The following BACH2 variants were observed in gnomAD, a reference collection of about 807,000 sequenced individuals.
The protein encoded by BACH2 is BACH transcriptional regulator 2, also known as transcription regulator protein BACH2.
A neutral mutation model predicts 61.8 loss-of-function variants in BACH2; 5 were observed. That is an observed-to-expected ratio of 0.08 (90% confidence interval 0.04 to 0.17). The LOEUF (loss-of-function observed/expected upper bound fraction) is 0.17, where lower values mean the gene tolerates loss of function less well. BACH2 is among the 10% of genes least tolerant of loss of function. The probability of loss-of-function intolerance (pLI) is 1.00; values close to 1 mark genes in which losing one functional copy is unlikely to be tolerated. For missense variants in BACH2, 824 were observed against 1,091.1 expected, an observed-to-expected ratio of 0.76 and a Z score of 3.45; for synonymous variants, 446 against 440.1, an observed-to-expected ratio of 1.01 and a Z score of -0.17.
intron 5 of BACH2, chr6:90,080,753 T>G: frequency 1.0e-6 from 1 of 985,254 alleles, no homozygotes; most frequent in Non-Finnish European, 1.2e-6. Flanking sequence ...AAAGGCATCT[T>G]TACCTGTGTG....
chr6:90,133,678 C>A (rs1166184119), intron 4 of BACH2, among the ~76,000 whole-genome samples: 1 of 152,138 alleles, frequency 6.6e-6, no homozygotes, highest in South Asian at 2.1e-4. Context: ...TCTCCTAATG[C>A]TATCCCTCCA....
chr6:89,948,436 G>T (rs1338857471), intron 7 of BACH2, among the ~76,000 whole-genome samples: 4 of 152,000 alleles, frequency 2.6e-5, no homozygotes, highest in African/African-American at 9.7e-5. Context: ...TTGAAATCCT[G>T]AGCTCAAGTG....
intron 4 of BACH2, among the ~76,000 whole-genome samples, chr6:90,091,665 T>C (rs918682540): frequency 2.0e-5 from 3 of 152,178 alleles, no homozygotes; most frequent in African/African-American, 7.2e-5. Context: ...ATAACCTCAC[T>C]CTTTCACTTA....
At chr6:90,222,080 A>G (rs1769754350) in intron 3 of BACH2, among the ~76,000 whole-genome samples, 1 of 152,246 alleles carries the variant, frequency 6.6e-6, no homozygotes, top group Non-Finnish European at 1.5e-5. Context: ...TATAAAAAGT[A>G]TTAATGTGCT....
intron 5 of BACH2, among the ~76,000 whole-genome samples, chr6:90,085,143 CAAT>C (rs1002321929): frequency 6.6e-6 from 1 of 152,116 alleles, no homozygotes; most frequent in Admixed American, 6.6e-5. Context: ...CTTACGGGTA[CAAT>C]AATACCCATA....
chr6:90,102,818 T>TAAC (rs1453282848), intron 4 of BACH2, among the ~76,000 whole-genome samples: 1 of 138,036 alleles, frequency 7.2e-6, no homozygotes, highest in Non-Finnish European at 1.6e-5. Context: ...ATAATAATAA[T>TAAC]AATAATAATA....
intron 1 of BACH2, among the ~76,000 whole-genome samples, chr6:90,274,613 C>T (rs936442743): frequency 5.3e-5 from 8 of 152,320 alleles, no homozygotes; most frequent in African/African-American, 1.9e-4. Context: ...AGGAAGCAGA[C>T]AACCCCCACA....
At chr6:89,942,995 A>G (rs1773525000) in intron 7 of BACH2, among the ~76,000 whole-genome samples, 1 of 151,944 alleles carries the variant, frequency 6.6e-6, no homozygotes, top group Admixed American at 6.6e-5. Context: ...TTTTTCTTTT[A>G]AAGACAGGGT....
At chr6:90,212,778 A>AAG (rs1354743583) in intron 3 of BACH2, among the ~76,000 whole-genome samples, 1 of 152,190 alleles carries the variant, frequency 6.6e-6, no homozygotes, top group East Asian at 1.9e-4. Flanking sequence ...TAAATTATAA[A>AAG]AGAGAGACAC....
In BACH2 at chr6:89,939,578, T is replaced by C. The variant is rs146630966; in HGVS notation, c.1837-1228A>G. On this transcript the variant is annotated intron_variant, in intron 7 of 8. Transcript: ENST00000257749. ...CTTGACAAATCAAGGCAAATAAGCA[T>C]TATCTAAAGCGAGGACAGCAGTCTC... is the stretch of plus-strand genomic sequence containing the variant. 1.5e-3 allele frequency among the ~76,000 whole-genome samples: 224 copies of C among 152,156 alleles called. 1 individual carries two copies. Among genetic ancestry groups the C allele is most frequent in the African/African-American group, 4.0e-3 (165 of 41,534 alleles).
At chr6:90,259,467 G>A (rs1362579954) in intron 2 of BACH2, among the ~76,000 whole-genome samples, 2 of 152,148 alleles carry the variant, frequency 1.3e-5, no homozygotes, top group Non-Finnish European at 2.9e-5. Context: ...GTTGGATTTG[G>A]TTTCCTAATA....
At chr6:90,016,165 A>T (rs9451317) in intron 5 of BACH2, among the ~76,000 whole-genome samples, 59,784 of 151,896 alleles carry the variant, frequency 0.39, 12,779 homozygotes, top group African/African-American at 0.58. Flanking sequence ...TTAAAATGTG[A>T]TTCTTGTAAG....
intron 7 of BACH2, among the ~76,000 whole-genome samples, chr6:89,943,787 T>C (rs1360095568): frequency 6.6e-6 from 1 of 152,248 alleles, no homozygotes; most frequent in African/African-American, 2.4e-5. Context: ...CTACTTCATT[T>C]CTTGGTTTTA....
chr6:89,985,792 G>GC (rs751672348), intron 6 of BACH2, among the ~76,000 whole-genome samples: 65 of 152,330 alleles, frequency 4.3e-4, no homozygotes, highest in Middle Eastern at 6.8e-3. Context: ...GCAACTGAAA[G>GC]CCCCTTCCAA....
intron 3 of BACH2, among the ~76,000 whole-genome samples, chr6:90,215,248 T>C (rs1218417021): frequency 1.3e-5 from 2 of 152,214 alleles, no homozygotes; most frequent in Admixed American, 1.3e-4. Flanking sequence ...AGTGTAACTA[T>C]GAACCCCAGA....
At chr6:90,046,270 G>C (rs976428708) in intron 5 of BACH2, among the ~76,000 whole-genome samples, 3 of 152,174 alleles carry the variant, frequency 2.0e-5, no homozygotes, top group Non-Finnish European at 4.4e-5. Context: ...GAAACATTTA[G>C]TATGTGTCTA....
At position 89,928,924 on chromosome 6, in the gene BACH2, T is replaced by C. The variant is rs1404267575; in HGVS notation, c.*3484A>G. On this transcript the variant is annotated 3_prime_UTR_variant, in exon 9 of 9. Transcript: ENST00000257749. Reference sequence around the variant, plus strand: ...GTTCCAGAATCAGTATGTAATAAAGTTCGATTTTAATCAAGGCACCCCCAG... The same window carrying C: ...GTTCCAGAATCAGTATGTAATAAAGCTCGATTTTAATCAAGGCACCCCCAG... The C allele has an allele frequency of 6.6e-6, 1 of 152,302 alleles. No homozygotes were observed. The highest frequency in any genetic ancestry group is 1.5e-5 in the Non-Finnish European group (1 of 67,986). The allele number at this position is 152,302 out of a possible 1,614,324, so 9.4% of individuals were successfully genotyped here. A position where few individuals can be genotyped will look rare whatever the true frequency, so the allele number is the denominator to read the frequency against.
intron 7 of BACH2, among the ~76,000 whole-genome samples, chr6:89,948,455 A>G (rs1285142923): frequency 6.6e-6 from 1 of 151,578 alleles, no homozygotes; most frequent in African/African-American, 2.4e-5. Flanking sequence ...TGATCCACCC[A>G]CCTCGGCCTC....
intron 4 of BACH2, among the ~76,000 whole-genome samples, chr6:90,147,730 C>T (rs1455176954): frequency 6.6e-6 from 1 of 152,122 alleles, no homozygotes; most frequent in African/African-American, 2.4e-5. Flanking sequence ...CTCCTGAGCA[C>T]CGTAATTGAA....
Sources: gnomAD v4.1 joint callset for allele counts (sites outside exome capture counted in the v4.1 genomes callset) on GRCh38, gnomAD v4.1.1 for gene constraint, MANE v1.5 for transcripts, NCBI Gene and HGNC (gene_info 2026-07-23, HGNC 2026-07-21) for gene names.